DRC8: variants seen among roughly 807,000 people sequenced by gnomAD.
The protein encoded by DRC8 is dynein regulatory complex protein 8.
At chr1:245,081,468 T>A in the DRC8 span, among the ~76,000 whole-genome samples, 6 of 150,608 alleles carry the variant, frequency 4.0e-5, no homozygotes, top group Admixed American at 3.3e-4. Flanking sequence ...GCAATTTTTT[T>A]ATTTTTTATT....
At chr1:245,012,322 A>G in the DRC8 span, among the ~76,000 whole-genome samples, 5 of 151,854 alleles carry the variant, frequency 3.3e-5, no homozygotes, top group Admixed American at 6.6e-5. Flanking sequence ...AGTGTTCTAG[A>G]TTATTAATAA....
At chr1:245,020,116 T>C in the DRC8 span, among the ~76,000 whole-genome samples, 1 of 152,120 alleles carries the variant, frequency 6.6e-6, no homozygotes, top group Non-Finnish European at 1.5e-5. Context: ...AGGTGGAGGT[T>C]TGGTGTTACT....
the DRC8 span, among the ~76,000 whole-genome samples, chr1:245,028,858 C>A: frequency 6.6e-6 from 1 of 152,222 alleles, no homozygotes; most frequent in African/African-American, 2.4e-5. Flanking sequence ...CAGATTCTAG[C>A]CATACACAAG....
the DRC8 span, among the ~76,000 whole-genome samples, chr1:244,986,318 C>T: frequency 6.6e-6 from 1 of 152,132 alleles, no homozygotes; most frequent in Admixed American, 6.5e-5. Flanking sequence ...AAAACTACTA[C>T]TAGTAACAGA....
chr1:245,082,271 G>T, the DRC8 span: 1 of 953,418 alleles, frequency 1.0e-6, no homozygotes, highest in South Asian at 1.5e-5. Context: ...CAAGCAGTGT[G>T]TCCTAAGGTG....
the DRC8 span, among the ~76,000 whole-genome samples, chr1:245,047,361 G>A: frequency 6.6e-6 from 1 of 152,286 alleles, no homozygotes; most frequent in East Asian, 1.9e-4. Flanking sequence ...TAGGCCAGGC[G>A]CAGTGGCTCA....
chr1:245,019,303 A>G, the DRC8 span, among the ~76,000 whole-genome samples: 1 of 146,604 alleles, frequency 6.8e-6, no homozygotes, highest in Admixed American at 6.7e-5. Flanking sequence ...ATGTAGCTTT[A>G]TAATTTTTCC....
At chr1:245,011,974 G>C in the DRC8 span, among the ~76,000 whole-genome samples, 2 of 152,166 alleles carry the variant, frequency 1.3e-5, no homozygotes, top group African/African-American at 4.8e-5. Flanking sequence ...CCAGCACTTT[G>C]GGAGGTCACG....
At chr1:244,980,975 C>G in the DRC8 span, among the ~76,000 whole-genome samples, 102,980 of 152,066 alleles carry the variant, frequency 0.68, 36,311 homozygotes, top group East Asian at 1. Context: ...CTGAGGTAGG[C>G]AGTTCGAGAC....
the DRC8 span, among the ~76,000 whole-genome samples, chr1:245,060,923 T>C: frequency 6.6e-6 from 1 of 152,280 alleles, no homozygotes; most frequent in Admixed American, 6.5e-5. Context: ...TAAACTCATT[T>C]ATTTGTATAT....
chr1:245,008,453 T>C, the DRC8 span, among the ~76,000 whole-genome samples: 2 of 152,194 alleles, frequency 1.3e-5, no homozygotes, highest in Non-Finnish European at 2.9e-5. Context: ...CCCAACGTGT[T>C]ACTTTTTAAT....
chr1:245,069,720 T>C, the DRC8 span, among the ~76,000 whole-genome samples: 1 of 152,172 alleles, frequency 6.6e-6, no homozygotes, highest in Admixed American at 6.5e-5. Flanking sequence ...GTACATGTAG[T>C]TAACACTGCT....
the DRC8 span, among the ~76,000 whole-genome samples, chr1:245,090,297 G>A: frequency 6.6e-6 from 1 of 152,216 alleles, no homozygotes; most frequent in Non-Finnish European, 1.5e-5. Context: ...AGTGGCTGGT[G>A]TTGGTAGCAA....
At chr1:245,032,954 G>C in the DRC8 span, among the ~76,000 whole-genome samples, 1 of 151,406 alleles carries the variant, frequency 6.6e-6, no homozygotes, top group Non-Finnish European at 1.5e-5. Context: ...TTGGGAGTTC[G>C]AGACCAGCCT....
the DRC8 span, among the ~76,000 whole-genome samples, chr1:245,075,139 G>C: frequency 6.6e-5 from 10 of 152,082 alleles, no homozygotes; most frequent in Non-Finnish European, 1.3e-4. Context: ...CTATTTAGTG[G>C]GTTCAGCATT....
chr1:245,082,226 A>C, the DRC8 span: 1 of 1,440,770 alleles, frequency 6.9e-7, no homozygotes, highest in Non-Finnish European at 9.7e-7. Context: ...CATTCATTTC[A>C]GGACGCTTGG....
At chr1:245,047,019 C>G in the DRC8 span, among the ~76,000 whole-genome samples, 1 of 152,180 alleles carries the variant, frequency 6.6e-6, no homozygotes, top group South Asian at 2.1e-4. Context: ...TGGGGCTCAA[C>G]GAGTCCATCT....
the DRC8 span, among the ~76,000 whole-genome samples, chr1:244,975,977 C>T: frequency 6.6e-6 from 1 of 152,000 alleles, no homozygotes; most frequent in East Asian, 1.9e-4. Context: ...TAACATAAAA[C>T]ATAAGAGTTG....
the DRC8 span, among the ~76,000 whole-genome samples, chr1:244,987,193 C>T: frequency 4.6e-5 from 7 of 151,670 alleles, no homozygotes; most frequent in Non-Finnish European, 8.8e-5. Flanking sequence ...TGATTGAGTA[C>T]AGTATTTCTT....
Sources: allele counts gnomAD v4.1 joint callset (sites outside exome capture counted in the v4.1 genomes callset), GRCh38; gene constraint gnomAD v4.1.1; transcripts MANE v1.5; gene names NCBI Gene and HGNC (gene_info 2026-07-23, HGNC 2026-07-21).